GLIS3: variants seen among roughly 807,000 people sequenced by gnomAD.
The protein encoded by GLIS3 is zinc finger protein GLIS3.
In GLIS3, 53 loss-of-function variants were observed where a neutral mutation model predicts 78.6. The observed-to-expected ratio is 0.67, with a 90% CI of 0.54 to 0.85. GLIS3 has a LOEUF of 0.85. Among genes scored for constraint, GLIS3 ranks in the 40% least tolerant of loss-of-function variants. GLIS3 has a pLI of 0.00. For missense variants in GLIS3, 1,703 were observed against 1,231.1 expected (o/e 1.38, Z -5.74); for synonymous variants, 684 against 509.9 (o/e 1.34, Z -4.60).
intron 4 of GLIS3, among the ~76,000 whole-genome samples, chr9:4,002,469 T>C (rs1033673087): frequency 1.3e-5 from 2 of 152,242 alleles, no homozygotes; most frequent in African/African-American, 4.8e-5. Context: ...GCTTGCATTA[T>C]CTTGCTCCAG....
At position 3,889,388 on chromosome 9, in the gene GLIS3, G is replaced by C. The variant is rs543131684; in HGVS notation, c.2128+9303C>G. On this transcript the variant is annotated intron_variant, in intron 7 of 10. Coordinates refer to ENST00000381971, the MANE Select transcript of GLIS3 (RefSeq NM_001042413.2). ...GAGTATTGGATAGTACATGAGTTCTGGATGCCTTCAATGGAAACAGCTTTG... is the reference window on the plus strand; with the variant it reads ...GAGTATTGGATAGTACATGAGTTCTCGATGCCTTCAATGGAAACAGCTTTG... 1.6e-4 allele frequency among the ~76,000 whole-genome samples: 25 copies of C among 152,218 alleles called. 1 individual carries two copies. The South Asian group carries it at 5.2e-3, about 32-fold the overall frequency.
the GLIS3 span, among the ~76,000 whole-genome samples, chr9:4,431,262 G>A: frequency 2.6e-5 from 4 of 152,116 alleles, no homozygotes; most frequent in African/African-American, 9.7e-5. Context: ...TCACATATTC[G>A]TGAATCATGG....
chr9:3,839,354 C>A (rs1368357765), intron 9 of GLIS3, among the ~76,000 whole-genome samples: 1 of 152,168 alleles, frequency 6.6e-6, no homozygotes, highest in Non-Finnish European at 1.5e-5. Flanking sequence ...AGCAATCACA[C>A]AATCTCCTAC....
chr9:4,398,920 C>G, the GLIS3 span, among the ~76,000 whole-genome samples: 2 of 152,178 alleles, frequency 1.3e-5, no homozygotes, highest in Non-Finnish European at 2.9e-5. Context: ...AACTCCTAAC[C>G]TTGTGATCCA....
the GLIS3 span, among the ~76,000 whole-genome samples, chr9:4,469,834 A>G: frequency 8.7e-4 from 133 of 152,334 alleles, no homozygotes; most frequent in African/African-American, 3.1e-3. Context: ...CAAAAAATCA[A>G]TGAATCTAGG....
At chr9:4,446,166 T>C in the GLIS3 span, among the ~76,000 whole-genome samples, 3 of 152,178 alleles carry the variant, frequency 2.0e-5, no homozygotes, top group Non-Finnish European at 4.4e-5. Context: ...CCAAAATTCA[T>C]GTCGAAATTC....
intron 6 of GLIS3, among the ~76,000 whole-genome samples, chr9:3,914,350 A>G (rs1223789986): frequency 7.5e-6 from 1 of 132,964 alleles, no homozygotes; most frequent in East Asian, 2.2e-4. Flanking sequence ...TTTTTTTTGC[A>G]GAGGCAAGAT....
intron 4 of GLIS3, among the ~76,000 whole-genome samples, chr9:4,016,218 T>C (rs1822424539): frequency 6.6e-6 from 1 of 152,158 alleles, no homozygotes; most frequent in South Asian, 2.1e-4. Flanking sequence ...AGAAAGTCAA[T>C]GGCCACATAG....
chr9:4,294,529 G>A (rs967036132), intron 1 of GLIS3, among the ~76,000 whole-genome samples: 1 of 151,468 alleles, frequency 6.6e-6, no homozygotes, highest in African/African-American at 2.4e-5. Flanking sequence ...AAAAATTACA[G>A]AATAATAAAT....
intron 2 of GLIS3, among the ~76,000 whole-genome samples, chr9:4,327,597 G>C (rs1032015599): frequency 1.3e-5 from 2 of 152,184 alleles, no homozygotes; most frequent in African/African-American, 2.4e-5. Context: ...CAACAATTCT[G>C]AGCTCTCTGC....
chr9:3,864,906 G>C (rs1011389552), intron 8 of GLIS3, among the ~76,000 whole-genome samples: 2 of 152,136 alleles, frequency 1.3e-5, no homozygotes, highest in Admixed American at 1.3e-4. Flanking sequence ...AACAAATGTA[G>C]GTCATTGCTG....
At chr9:4,154,381 G>C (rs1393661948) in intron 2 of GLIS3, among the ~76,000 whole-genome samples, 2 of 152,142 alleles carry the variant, frequency 1.3e-5, no homozygotes, top group African/African-American at 4.8e-5. Flanking sequence ...GGGAAATAAA[G>C]AGATAAATAT....
intron 4 of GLIS3, among the ~76,000 whole-genome samples, chr9:3,945,626 G>A (rs749379337): frequency 3.3e-5 from 5 of 152,146 alleles, no homozygotes; most frequent in Non-Finnish European, 5.9e-5. Flanking sequence ...GGCTACTGGG[G>A]AGGTGAGGAA....
chr9:4,485,093 C>A, the GLIS3 span, among the ~76,000 whole-genome samples: 1 of 151,904 alleles, frequency 6.6e-6, no homozygotes, highest in Non-Finnish European at 1.5e-5. Context: ...CGGCTCACTG[C>A]AACTTCTACC....
intron 2 of GLIS3, among the ~76,000 whole-genome samples, chr9:4,240,712 T>G (rs948341838): frequency 6.6e-6 from 1 of 152,186 alleles, no homozygotes; most frequent in African/African-American, 2.4e-5. Flanking sequence ...ATAGTCCTGT[T>G]CATCAAATCA....
chr9:4,333,131 T>A (rs1363299663), intron 2 of GLIS3, among the ~76,000 whole-genome samples: 1 of 152,044 alleles, frequency 6.6e-6, no homozygotes, highest in African/African-American at 2.4e-5. Flanking sequence ...CTTATAGTCC[T>A]AGCTACTCAG....
At chr9:4,156,692 T>A (rs891508986) in intron 2 of GLIS3, among the ~76,000 whole-genome samples, 3 of 152,192 alleles carry the variant, frequency 2.0e-5, no homozygotes, top group African/African-American at 7.2e-5. Context: ...TTGTGAAGGG[T>A]AGCCCTTTAA....
chr9:3,941,925 G>T (rs1272505803), intron 4 of GLIS3, among the ~76,000 whole-genome samples: 1 of 152,110 alleles, frequency 6.6e-6, no homozygotes, highest in Non-Finnish European at 1.5e-5. Context: ...TACGATTGTT[G>T]ACATTAAGTG....
At chr9:4,131,059 C>T (rs1001658988) in intron 2 of GLIS3, among the ~76,000 whole-genome samples, 1 of 152,046 alleles carries the variant, frequency 6.6e-6, no homozygotes, top group Non-Finnish European at 1.5e-5. Flanking sequence ...TTAATGACTG[C>T]CCTAGGGGGG....
Sources: allele counts gnomAD v4.1 joint callset (sites outside exome capture counted in the v4.1 genomes callset), GRCh38; gene constraint gnomAD v4.1.1; transcripts MANE v1.5; gene names NCBI Gene and HGNC (gene_info 2026-07-23, HGNC 2026-07-21).